Variants in PRKCB observed in about 807,000 individuals in gnomAD.
The protein encoded by PRKCB is protein kinase C beta, also known as protein kinase C beta type.
A neutral mutation model predicts 81.5 loss-of-function variants in PRKCB; 13 were observed. That is an observed-to-expected ratio of 0.16 (90% CI 0.10 to 0.25). PRKCB has a LOEUF of 0.25. PRKCB is among the 10% of genes least tolerant of loss of function. The pLI, the probability that PRKCB is intolerant of heterozygous loss-of-function variation, is 1.00. For synonymous variants in PRKCB, 335 were observed against 321.4 expected, an observed-to-expected ratio of 1.04 and a Z score of -0.45; for missense variants, 509 against 875.7, an observed-to-expected ratio of 0.58 and a Z score of 5.29.
chr16:24,048,198 C>T (rs1390643749), intron 5 of PRKCB, among the ~76,000 whole-genome samples: 1 of 152,210 alleles, frequency 6.6e-6, no homozygotes, highest in Admixed American at 6.5e-5. Flanking sequence ...CGTTGCTCAG[C>T]CATGTCGTAT....
In PRKCB at chr16:24,217,621, GACC is replaced by G; in HGVS notation, c.*2807_*2809del. 3.0e-6 allele frequency: 3 copies of G among 985,446 alleles called. No individual in the cohort carries two copies. Among genetic ancestry groups the G allele is most frequent in the Non-Finnish European group, 3.6e-6 (3 of 829,960 alleles). 61.0% of individuals were successfully genotyped at this position (985,446 alleles called of 1,614,324 possible). Reference sequence around the variant, plus strand: ...AGTCCATAAAAGCAAGTCCTGTCTGGACCATGTGGTTATCTGAAGCATTAGCCA... The same window carrying G: ...AGTCCATAAAAGCAAGTCCTGTCTGGATGTGGTTATCTGAAGCATTAGCCA... On this transcript the variant is annotated 3_prime_UTR_variant, in exon 17 of 17. Coordinates refer to ENST00000643927, the MANE Select transcript of PRKCB (RefSeq NM_002738.7).
chr16:23,987,021 A>G (rs1016584747), intron 2 of PRKCB, among the ~76,000 whole-genome samples: 1 of 152,236 alleles, frequency 6.6e-6, no homozygotes, highest in Non-Finnish European at 1.5e-5. Flanking sequence ...AATATCAGTA[A>G]CAATAATTCC....
intron 2 of PRKCB, among the ~76,000 whole-genome samples, chr16:23,931,994 A>G (rs551611936): frequency 8.9e-4 from 135 of 152,350 alleles, no homozygotes; most frequent in Non-Finnish European, 6.5e-4. Context: ...ATCTTCTAAT[A>G]TGATGCAAAT....
intron 16 of PRKCB, among the ~76,000 whole-genome samples, chr16:24,203,832 G>A (rs1053170278): frequency 3.3e-5 from 5 of 152,142 alleles, no homozygotes; most frequent in African/African-American, 1.2e-4. Context: ...GGATGGGAAC[G>A]GAAATGCATC....
intron 16 of PRKCB, among the ~76,000 whole-genome samples, chr16:24,193,456 T>TAAATAAATAAATA (rs1555501753): frequency 0.028 from 1,758 of 62,516 alleles, 62 homozygotes; most frequent in African/African-American, 0.14. Context: ...AATAAATAAA[T>TAAATAAATAAATA]AAATAAATAA....
At chr16:23,916,220 AT>A (rs10678336) in intron 2 of PRKCB, among the ~76,000 whole-genome samples, 258 of 112,870 alleles carry the variant, frequency 2.3e-3, no homozygotes, top group South Asian at 0.014. Flanking sequence ...CATGTGGCTA[AT>A]TTTTTTTTTT....
At chr16:23,850,750 T>C (rs1409315698) in intron 2 of PRKCB, among the ~76,000 whole-genome samples, 1 of 152,218 alleles carries the variant, frequency 6.6e-6, no homozygotes, top group Non-Finnish European at 1.5e-5. Flanking sequence ...CAACAGTGTA[T>C]GGGTCCCCTT....
chr16:23,842,635 T>C (rs1198135950), intron 2 of PRKCB, among the ~76,000 whole-genome samples: 1 of 152,216 alleles, frequency 6.6e-6, no homozygotes, highest in Non-Finnish European at 1.5e-5. Context: ...TGTACAAATT[T>C]TCTATGAAAA....
intron 2 of PRKCB, among the ~76,000 whole-genome samples, chr16:23,935,027 C>G (rs1429209449): frequency 6.6e-6 from 1 of 152,118 alleles, no homozygotes; most frequent in Non-Finnish European, 1.5e-5. Flanking sequence ...GGGCAGCAGG[C>G]ACATCTGGAA....
chr16:24,029,074 A>T (rs1965519328), intron 3 of PRKCB, among the ~76,000 whole-genome samples: 1 of 152,222 alleles, frequency 6.6e-6, no homozygotes, highest in African/African-American at 2.4e-5. Context: ...TACAGGCGTG[A>T]GCCACTGTGC....
chr16:23,849,973 C>T (rs181905837), intron 2 of PRKCB, among the ~76,000 whole-genome samples: 3 of 152,250 alleles, frequency 2.0e-5, no homozygotes, highest in Admixed American at 2.0e-4. Flanking sequence ...TCAACAACTC[C>T]TTCCCTCATC....
Position 24,220,089 on chromosome 16 carries a change from C to T in PRKCB, c.*5273C>T. 1 of 1,614,096 alleles carries T rather than the reference C, an allele frequency of 6.2e-7. No homozygotes were observed. The highest frequency in any genetic ancestry group is 8.5e-7 in the Non-Finnish European group (1 of 1,179,992). On this transcript the variant is annotated 3_prime_UTR_variant, in exon 17 of 17. Transcript: ENST00000643927. ...AATTTGCTGGCTTCTCTTATACTAA[C>T]CCAGAGTTTGTCATTAATGTGTAGG...
intron 5 of PRKCB, among the ~76,000 whole-genome samples, chr16:24,044,956 A>T (rs1965746200): frequency 6.6e-6 from 1 of 152,208 alleles, no homozygotes. Context: ...CTGTGTGTGA[A>T]GAAAGGTGTG....
chr16:23,894,264 G>A (rs890527750), intron 2 of PRKCB, among the ~76,000 whole-genome samples: 2 of 152,236 alleles, frequency 1.3e-5, no homozygotes, highest in Middle Eastern at 3.4e-3. Context: ...GGCCAAGCCC[G>A]GAGACAGTTT....
Position 24,215,030 on chromosome 16 carries a change from AT to A in PRKCB, c.*215del. 1 of 1,347,616 alleles carries A rather than the reference AT, an allele frequency of 7.4e-7. No individual in the cohort carries two copies. Among genetic ancestry groups the A allele is most frequent in the Non-Finnish European group, 9.5e-7 (1 of 1,049,062 alleles). The allele number at this position is 1,347,616 out of a possible 1,614,324, so 83.5% of individuals were successfully genotyped here. A position where few individuals can be genotyped will look rare whatever the true frequency, so the allele number is the denominator to read the frequency against. The stretch of plus-strand genomic sequence containing the variant: ...GATGGCCTATGGAAAATGCAGCTGC[AT>A]AATTAACACATTATCAAAGTCCTCT... On this transcript the variant is annotated 3_prime_UTR_variant, in exon 17 of 17. Coordinates refer to ENST00000643927, the MANE Select transcript of PRKCB (RefSeq NM_002738.7).
intron 2 of PRKCB, among the ~76,000 whole-genome samples, chr16:23,905,042 CTT>C (rs1227867693): frequency 4.5e-5 from 5 of 110,196 alleles, no homozygotes; most frequent in Admixed American, 1.1e-4. Context: ...CTTTTTTTTT[CTT>C]TTTTTTTTTT....
intron 7 of PRKCB, among the ~76,000 whole-genome samples, chr16:24,111,754 T>C (rs1281711000): frequency 6.6e-6 from 1 of 152,154 alleles, no homozygotes; most frequent in Non-Finnish European, 1.5e-5. Context: ...GCTATGATTG[T>C]GCTGCTGCAC....
At chr16:24,042,132 G>C (rs1382622462) in intron 5 of PRKCB, among the ~76,000 whole-genome samples, 1 of 152,112 alleles carries the variant, frequency 6.6e-6, no homozygotes, top group African/African-American at 2.4e-5. Flanking sequence ...AGGTAAACTT[G>C]TGTCATGGGG....
intron 2 of PRKCB, among the ~76,000 whole-genome samples, chr16:23,977,520 A>G (rs1213845253): frequency 6.6e-6 from 1 of 152,150 alleles, no homozygotes; most frequent in Non-Finnish European, 1.5e-5. Context: ...ATATGGGCAA[A>G]ACAGCAGGGA....
Sources: allele counts gnomAD v4.1 joint callset (sites outside exome capture counted in the v4.1 genomes callset), GRCh38; gene constraint gnomAD v4.1.1; transcripts MANE v1.5; gene names NCBI Gene and HGNC (gene_info 2026-07-23, HGNC 2026-07-21).